NAV1: variants seen among roughly 807,000 people sequenced by gnomAD.
The protein encoded by NAV1 is neuron navigator 1, also known as pore membrane and/or filament interacting like protein 3.
In NAV1, 18 loss-of-function variants were observed where a neutral mutation model predicts 175.2. The ratio of observed to expected loss-of-function variants is 0.10; its 90% CI spans 0.07 to 0.15. The LOEUF is 0.15. Ranked by LOEUF, NAV1 falls within the 10% of genes least tolerant of loss-of-function variation. The pLI is 1.00. For missense variants in NAV1, 1,731 were observed against 2,436.6 expected (o/e 0.71, Z 6.10); for synonymous variants, 897 against 978.7 (o/e 0.92, Z 1.56).
intron 2 of NAV1, among the ~76,000 whole-genome samples, chr1:201,597,813 T>C (rs1207955112): frequency 6.6e-6 from 1 of 152,256 alleles, no homozygotes; most frequent in East Asian, 1.9e-4. Flanking sequence ...GTGCCCGTGA[T>C]GTCCTGGCCC....
chr1:201,758,663 TA>T lies in NAV1; in HGVS notation c.1227-21756del, dbSNP rs369897965. Among the ~76,000 whole-genome samples the T allele has an allele frequency of 8.3e-3, 1,267 of 152,320 alleles. 16 individuals carry two copies. The highest frequency in any genetic ancestry group is 0.029 in the African/African-American group (1,206 of 41,564). On this transcript the variant is annotated intron_variant, in intron 3 of 29. Transcript: ENST00000367296. ...TGTGCAAAGAGTCCCTAGAGATGCA[TA>T]AGTGATCTTCACCCTCCAGTGGAAC... is the stretch of plus-strand genomic sequence containing the variant.
intron 1 of NAV1, among the ~76,000 whole-genome samples, chr1:201,688,052 G>A (rs1474501812): frequency 1.3e-5 from 2 of 152,226 alleles, no homozygotes; most frequent in Non-Finnish European, 2.9e-5. Flanking sequence ...GAACTTGGTT[G>A]TAAGTTTTAT....
intron 1 of NAV1, among the ~76,000 whole-genome samples, chr1:201,587,503 C>G (rs770685278): frequency 6.6e-6 from 1 of 151,452 alleles, no homozygotes; most frequent in Non-Finnish European, 1.5e-5. Context: ...CTGGGAAACA[C>G]GGCAAAACCT....
chr1:201,658,752 G>A (rs1183463365), intron 1 of NAV1, among the ~76,000 whole-genome samples: 1 of 152,180 alleles, frequency 6.6e-6, no homozygotes, highest in African/African-American at 2.4e-5. Context: ...TGATCGATGA[G>A]ATCAGCCAGC....
chr1:201,664,082 G>A (rs963889662), intron 1 of NAV1, among the ~76,000 whole-genome samples: 13 of 152,174 alleles, frequency 8.5e-5, no homozygotes, highest in African/African-American at 3.1e-4. Context: ...GAGTATAGTG[G>A]CCAAATGCAC....
exon 1 of NAV1, chr1:201,648,797 G>T (rs1669074372): frequency 1.3e-6 from 2 of 1,537,474 alleles, no homozygotes; most frequent in Non-Finnish European, 8.7e-7. Flanking sequence ...GAGGCATGCT[G>T]CCCAAGCGCG....
intron 2 of NAV1, among the ~76,000 whole-genome samples, chr1:201,590,065 G>A (rs1667143051): frequency 6.6e-6 from 1 of 152,060 alleles, no homozygotes; most frequent in African/African-American, 2.4e-5. Context: ...GCCAATTTTT[G>A]TATTTTTAGT....
At chr1:201,628,567 C>T (rs1668401772) in intron 1 of NAV1, among the ~76,000 whole-genome samples, 1 of 152,140 alleles carries the variant, frequency 6.6e-6, no homozygotes, top group South Asian at 2.1e-4. Context: ...TCTCAGGGTT[C>T]CATGGCCCAG....
At chr1:201,766,779 G>A (rs970050499) in intron 3 of NAV1, among the ~76,000 whole-genome samples, 4 of 152,074 alleles carry the variant, frequency 2.6e-5, no homozygotes, top group Non-Finnish European at 4.4e-5. Flanking sequence ...TTAGGACAGC[G>A]CTTTCCAACA....
At chr1:201,604,905 C>T (rs974724544) in intron 2 of NAV1, among the ~76,000 whole-genome samples, 9 of 152,134 alleles carry the variant, frequency 5.9e-5, no homozygotes, top group East Asian at 1.9e-4. Flanking sequence ...CTAAAGCCCA[C>T]GCTCTTTCCC....
chr1:201,721,207 A>G (rs1482419748), intron 3 of NAV1, among the ~76,000 whole-genome samples: 1 of 152,200 alleles, frequency 6.6e-6, no homozygotes, highest in African/African-American at 2.4e-5. Context: ...ATATCCATAA[A>G]GTGGACCTTC....
chr1:201,647,685 A>T (rs2102328134), upstream of NAV1, among the ~76,000 whole-genome samples: 1 of 151,908 alleles, frequency 6.6e-6, no homozygotes, highest in African/African-American at 2.4e-5. Flanking sequence ...GGCAACCTTG[A>T]GCCTCAGAGA....
chr1:201,675,152 C>T (rs572396547), intron 1 of NAV1, among the ~76,000 whole-genome samples: 22 of 152,236 alleles, frequency 1.4e-4, no homozygotes, highest in Admixed American at 1.4e-3. Flanking sequence ...GACCTTTCCA[C>T]ATGAGATTTA....
rs774666644 is a variant in NAV1, at chr1:201,803,750, AC to A, written c.3639+38del. The A allele has an allele frequency of 3.3e-5, 52 of 1,594,794 alleles. No homozygotes were observed. In the Admixed American group the frequency reaches 8.7e-4, roughly 27 times the overall value. On this transcript the variant is annotated intron_variant, in intron 16 of 29. Transcript: ENST00000367296. ...GTTTGGGGGGTGGGAAGTAGGTAGA[AC>A]CGTGGTGGACCGCCTTCACCTCAGC...
chr1:201,543,811 A>G (rs953342398), intron 1 of NAV1, among the ~76,000 whole-genome samples: 1 of 152,222 alleles, frequency 6.6e-6, no homozygotes, highest in Non-Finnish European at 1.5e-5. Context: ...TGTACTCATT[A>G]AAGAGTAACT....
At chr1:201,725,732 G>A (rs1051501724) in intron 3 of NAV1, among the ~76,000 whole-genome samples, 2 of 151,902 alleles carry the variant, frequency 1.3e-5, no homozygotes, top group Non-Finnish European at 2.9e-5. Flanking sequence ...AGGGAGAGAG[G>A]ATCGCTTGAG....
chr1:201,713,676 G>A (rs1251455131), intron 2 of NAV1, among the ~76,000 whole-genome samples: 1 of 152,224 alleles, frequency 6.6e-6, no homozygotes, highest in Non-Finnish European at 1.5e-5. Flanking sequence ...TGGGGACAGC[G>A]GGAGGCAGAA....
chr1:201,755,421 CA>C (rs1488508146), intron 3 of NAV1, among the ~76,000 whole-genome samples: 1 of 147,396 alleles, frequency 6.8e-6, no homozygotes, highest in Non-Finnish European at 1.5e-5. Flanking sequence ...ACTCTTGTCT[CA>C]AAAAAAAGAA....
chr1:201,700,511 T>C (rs973867346), intron 1 of NAV1, among the ~76,000 whole-genome samples: 4 of 152,188 alleles, frequency 2.6e-5, no homozygotes, highest in African/African-American at 9.7e-5. Flanking sequence ...AGTTCAGCCA[T>C]TGTGGAAGAT....
Sources: gnomAD v4.1 joint callset for allele counts (sites outside exome capture counted in the v4.1 genomes callset) on GRCh38, gnomAD v4.1.1 for gene constraint, MANE v1.5 for transcripts, NCBI Gene and HGNC (gene_info 2026-07-23, HGNC 2026-07-21) for gene names.